PCDHA2: variants seen among roughly 807,000 people sequenced by gnomAD.
PCDHA2 encodes the protein protocadherin alpha-2.
A neutral mutation model predicts 66.0 loss-of-function variants in PCDHA2; 58 were observed. The ratio of observed to expected loss-of-function variants is 0.88; its 90% CI spans 0.71 to 1.09. The LOEUF (loss-of-function observed/expected upper bound fraction) is 1.09, where lower values mean the gene tolerates loss of function less well. Ranked by LOEUF, PCDHA2 falls within the 50% of genes least tolerant of loss-of-function variation. The pLI is 0.00. For missense variants in PCDHA2, 1,267 were observed against 1,242.3 expected (o/e 1.02, Z -0.30); for synonymous variants, 634 against 554.0 (o/e 1.14, Z -2.03).
chr5:140,988,557 T>G (rs1236263807), intron 3 of PCDHA2, among the ~76,000 whole-genome samples: 3 of 152,190 alleles, frequency 2.0e-5, no homozygotes, highest in African/African-American at 7.2e-5. Context: ...CTTCATCTTC[T>G]TCTTGGGAAA....
At chr5:140,998,405 G>C (rs144117915) in intron 3 of PCDHA2, among the ~76,000 whole-genome samples, 226 of 152,208 alleles carry the variant, frequency 1.5e-3, no homozygotes, top group African/African-American at 5.2e-3. Flanking sequence ...TTATGCCAAA[G>C]TTTATCTACC....
chr5:140,955,585 T>G (rs1438222402), intron 1 of PCDHA2, among the ~76,000 whole-genome samples: 1 of 152,198 alleles, frequency 6.6e-6, no homozygotes, highest in African/African-American at 2.4e-5. Context: ...CAATTAAACC[T>G]CTTTCTTTTA....
chr5:140,848,577 A>G (rs1178094933), intron 1 of PCDHA2: 1 of 1,595,244 alleles, frequency 6.3e-7, no homozygotes, highest in Non-Finnish European at 8.6e-7. Context: ...GGTGGTGGGG[A>G]GCGGCCAGCT....
intron 3 of PCDHA2, 34 bp from the exon 4 acceptor site, chr5:141,009,593 C>T (rs1219056557): frequency 6.2e-7 from 1 of 1,601,902 alleles, no homozygotes; most frequent in Non-Finnish European, 8.5e-7. Context: ...CATGTGTTGA[C>T]CCTGTTAATG....
chr5:140,829,489 G>A (rs2150168747), intron 1 of PCDHA2: 1 of 1,613,588 alleles, frequency 6.2e-7, no homozygotes, highest in African/African-American at 1.3e-5. Flanking sequence ...TCGTGAAGGA[G>A]AACAACCCGC....
Position 140,979,960 on chromosome 5 carries a change from C to T in PCDHA2, c.2447+953C>T, listed in dbSNP as rs2096871601. 2.0e-5 allele frequency among the ~76,000 whole-genome samples: 3 copies of T among 152,266 alleles called. No homozygotes were observed. The South Asian group carries it at 6.2e-4, about 32-fold the overall frequency. ...AGAGTTAATGTGAAATTAGTTTTAG[C>T]CCATTAAAATGCATTAGATTGAAAT... On this transcript the variant is annotated intron_variant, in intron 2 of 3. Coordinates refer to ENST00000526136, the MANE Select transcript of PCDHA2 (RefSeq NM_018905.3).
intron 1 of PCDHA2, chr5:140,835,765 C>T: frequency 1.9e-6 from 3 of 1,613,356 alleles, no homozygotes; most frequent in Non-Finnish European, 2.5e-6. Context: ...CCCGAGTATA[C>T]GGTGTTCGTG....
intron 3 of PCDHA2, among the ~76,000 whole-genome samples, chr5:141,005,795 C>G (rs2098239997): frequency 8.0e-6 from 1 of 124,778 alleles, no homozygotes; most frequent in Admixed American, 8.1e-5. Context: ...GAGGCAAAAA[C>G]AACTCCAAGG....
In PCDHA2 at chr5:141,009,886, C is replaced by T. The variant is rs377373799; in HGVS notation, c.2796C>T (p.Thr932=). Residue 932 remains threonine (T), a synonymous_variant, in exon 4 of 4, where the codon ACC becomes ACT. Transcript: ENST00000526136. ...AGAAAAAGAAGAAGGGTAACAAGAC[C>T]CAGGAGAAAAAAGAGAAAGGGAACA... ...KKKKKKKGNK[T]QEKKEKGNST... is the part of the protein sequence containing the mutation. The T allele has an allele frequency of 9.0e-4, 1,444 of 1,612,840 alleles. 15 individuals are homozygous for T. The South Asian group carries it at 0.015, about 17-fold the overall frequency.
intron 1 of PCDHA2, chr5:140,857,403 C>T (rs782020024): frequency 1.3e-6 from 2 of 1,598,418 alleles, no homozygotes; most frequent in African/African-American, 2.7e-5. Flanking sequence ...GACAACGCGC[C>T]TGCGTTCGCG....
intron 1 of PCDHA2, chr5:140,842,813 C>T (rs2150188208): frequency 2.5e-6 from 4 of 1,593,972 alleles, no homozygotes; most frequent in Non-Finnish European, 3.4e-6. Flanking sequence ...TGTGGAGCGG[C>T]GGGTGGGCGA....
intron 1 of PCDHA2, chr5:140,848,723 G>T (rs2150418763): frequency 6.3e-7 from 1 of 1,592,604 alleles, no homozygotes; most frequent in South Asian, 1.1e-5. Context: ...ACCTTCTGGA[G>T]GTAAATCTGC....
Position 140,822,346 on chromosome 5 carries a change from T to C in PCDHA2, c.2388+24994T>C, listed in dbSNP as rs1304224599. The stretch of plus-strand genomic sequence containing the variant: ...AACAAATGAAGAAGAAACGAACTTT[T>C]TAGAGCTGGTTTTGAGGAAATCCTT... On this transcript the variant is annotated intron_variant, in intron 1 of 3. Coordinates refer to ENST00000526136, the MANE Select transcript of PCDHA2 (RefSeq NM_018905.3). The C allele has an allele frequency of 2.5e-6, 4 of 1,613,992 alleles. No homozygotes were observed. In the African/African-American group the frequency reaches 5.3e-5, roughly 22 times the overall value.
At chr5:140,805,202 C>A in intron 1 of PCDHA2, 1 of 1,438,200 alleles carries the variant, frequency 7.0e-7, no homozygotes, top group East Asian at 2.7e-5. Flanking sequence ...GAATAGCTAC[C>A]AAATAAACAT....
chr5:140,887,482 CT>C lies in PCDHA2; in HGVS notation c.2388+90132del, dbSNP rs2061466213. 4.6e-5 allele frequency among the ~76,000 whole-genome samples: 7 copies of C among 152,170 alleles called. 1 individual carries two copies. The highest frequency in any genetic ancestry group is 4.6e-4 in the Admixed American group (7 of 15,274). ...AAGATATAATTCAGTTGTCTTCTGG[CT>C]TGCATAGTTTCTAATAAGATGTTTG... On this transcript the variant is annotated intron_variant, in intron 1 of 3. Coordinates refer to ENST00000526136, the MANE Select transcript of PCDHA2 (RefSeq NM_018905.3).
chr5:140,983,118 A>G (rs1251873984), intron 3 of PCDHA2, among the ~76,000 whole-genome samples: 1 of 152,220 alleles, frequency 6.6e-6, no homozygotes, highest in African/African-American at 2.4e-5. Flanking sequence ...CATCAACAAC[A>G]TTCTGCAGAC....
intron 1 of PCDHA2, chr5:140,813,411 A>G (rs1765286537): frequency 6.6e-6 from 1 of 152,190 alleles, no homozygotes; most frequent in African/African-American, 2.4e-5. Flanking sequence ...AAACCTGTAC[A>G]TATGTTAACT....
At chr5:140,831,761 G>T (rs2150109783) in intron 1 of PCDHA2, among the ~76,000 whole-genome samples, 2 of 152,184 alleles carry the variant, frequency 1.3e-5, no homozygotes, top group African/African-American at 4.8e-5. Context: ...TACCAATTTT[G>T]TTTTGTGGAT....
chr5:140,982,094 G>T (rs2096965818), intron 2 of PCDHA2, among the ~76,000 whole-genome samples: 1 of 152,230 alleles, frequency 6.6e-6, no homozygotes, highest in Admixed American at 6.5e-5. Context: ...AGGAACAAGA[G>T]AACCTGCAAG....
Sources: allele counts gnomAD v4.1 joint callset (sites outside exome capture counted in the v4.1 genomes callset), GRCh38; gene constraint gnomAD v4.1.1; transcripts MANE v1.5; gene names NCBI Gene and HGNC (gene_info 2026-07-23, HGNC 2026-07-21).